Variants in TRPM3 observed in about 807,000 individuals in gnomAD.
TRPM3 encodes the protein long transient receptor potential channel 3.
A neutral mutation model predicts 181.2 loss-of-function variants in TRPM3; 77 were observed. The ratio of observed to expected loss-of-function variants is 0.42; its 90% CI spans 0.35 to 0.51. TRPM3 has a LOEUF of 0.51. TRPM3 is among the 20% of genes least tolerant of loss of function. The probability of loss-of-function intolerance (pLI) is 0.01; values close to 1 mark genes in which losing one functional copy is unlikely to be tolerated. For synonymous variants in TRPM3, 745 were observed against 796.4 expected, an observed-to-expected ratio of 0.94 and a Z score of 1.09; for missense variants, 1,759 against 2,196.7, an observed-to-expected ratio of 0.80 and a Z score of 3.98.
chr9:71,165,616 C>T (rs934494725), intron 1 of TRPM3, among the ~76,000 whole-genome samples: 4 of 152,120 alleles, frequency 2.6e-5, no homozygotes, highest in Non-Finnish European at 4.4e-5. Context: ...TTTCTCCCTG[C>T]CCTCTTTTCC....
At chr9:71,241,649 A>T (rs1166300339) in intron 1 of TRPM3, among the ~76,000 whole-genome samples, 4 of 151,872 alleles carry the variant, frequency 2.6e-5, no homozygotes, top group South Asian at 2.1e-4. Context: ...AGTATAATTT[A>T]AAAAAAAATT....
intron 1 of TRPM3, among the ~76,000 whole-genome samples, chr9:71,266,511 C>T (rs935965321): frequency 6.6e-6 from 1 of 152,168 alleles, no homozygotes; most frequent in Non-Finnish European, 1.5e-5. Flanking sequence ...CTTTATCCCT[C>T]TTTCTCTCCC....
At chr9:71,197,610 T>C (rs1457284284) in intron 1 of TRPM3, among the ~76,000 whole-genome samples, 3 of 152,146 alleles carry the variant, frequency 2.0e-5, no homozygotes, top group Non-Finnish European at 4.4e-5. Context: ...TTTGCATTAC[T>C]CTGATGGCCA....
intron 1 of TRPM3, among the ~76,000 whole-genome samples, chr9:70,997,431 G>A (rs956610565): frequency 6.6e-6 from 1 of 152,112 alleles, no homozygotes; most frequent in Non-Finnish European, 1.5e-5. Flanking sequence ...TCCTGACCTC[G>A]TGATCTGCCT....
intron 9 of TRPM3, among the ~76,000 whole-genome samples, chr9:70,645,484 GT>G (rs2133680307): frequency 6.6e-6 from 1 of 152,254 alleles, no homozygotes; most frequent in Admixed American, 6.5e-5. Context: ...AATAAATGGT[GT>G]TGGAAAAACT....
At chr9:71,169,270 G>A (rs776315197) in intron 1 of TRPM3, among the ~76,000 whole-genome samples, 2 of 152,094 alleles carry the variant, frequency 1.3e-5, no homozygotes, top group African/African-American at 2.4e-5. Context: ...ACATCTCCAG[G>A]TCAAATGTGA....
chr9:71,042,996 C>T lies in TRPM3; in HGVS notation c.177+78182G>A, dbSNP rs560573182. 9.7e-4 allele frequency among the ~76,000 whole-genome samples: 148 copies of T among 152,244 alleles called. 1 individual carries two copies. The highest frequency in any genetic ancestry group is 3.3e-3 in the African/African-American group (137 of 41,566). Reference sequence around the variant, plus strand: ...GAGTTGCATTAATTCCTGTTTCTTGCGATTACACATGAGCATGACTGCATT... The same window carrying T: ...GAGTTGCATTAATTCCTGTTTCTTGTGATTACACATGAGCATGACTGCATT... On this transcript the variant is annotated intron_variant, in intron 1 of 25. Transcript: ENST00000677713.
intron 1 of TRPM3, among the ~76,000 whole-genome samples, chr9:71,312,991 T>G (rs1384934528): frequency 6.6e-6 from 1 of 152,146 alleles, no homozygotes; most frequent in Non-Finnish European, 1.5e-5. Context: ...TATACACATT[T>G]GCCAAAACTC....
chr9:71,439,465 A>G (rs1196686265), intron 1 of TRPM3, among the ~76,000 whole-genome samples: 1 of 152,200 alleles, frequency 6.6e-6, no homozygotes, highest in African/African-American at 2.4e-5. Context: ...TCTTCATTTT[A>G]TCATGATGGA....
chr9:71,295,446 T>A (rs762362285), intron 1 of TRPM3, among the ~76,000 whole-genome samples: 2 of 151,800 alleles, frequency 1.3e-5, no homozygotes, highest in Admixed American at 6.6e-5. Context: ...AACTCCATCA[T>A]GGTTTGAAAT....
At chr9:71,133,973 T>TTGTG (rs72198070) in intron 1 of TRPM3, among the ~76,000 whole-genome samples, 109 of 148,568 alleles carry the variant, frequency 7.3e-4, no homozygotes, top group Middle Eastern at 3.5e-3. Flanking sequence ...CTGTGTGTGT[T>TTGTG]TGTGTGTGTG....
At chr9:70,634,263 C>T (rs190720915) in intron 12 of TRPM3, among the ~76,000 whole-genome samples, 207 of 152,272 alleles carry the variant, frequency 1.4e-3, no homozygotes, top group African/African-American at 4.7e-3. Flanking sequence ...GCACACACCA[C>T]CATGCCAAGC....
At chr9:71,350,050 C>G (rs2091534401) in intron 1 of TRPM3, among the ~76,000 whole-genome samples, 1 of 150,784 alleles carries the variant, frequency 6.6e-6, no homozygotes, top group South Asian at 2.1e-4. Context: ...AACATTTGCT[C>G]TGACTTAAGG....
At chr9:70,843,494 T>C (rs2094811339) in intron 4 of TRPM3, among the ~76,000 whole-genome samples, 1 of 152,220 alleles carries the variant, frequency 6.6e-6, no homozygotes, top group African/African-American at 2.4e-5. Context: ...GACTGTGTCA[T>C]GTTAAAAGCA....
At chr9:71,299,870 T>C (rs1565438628) in intron 1 of TRPM3, among the ~76,000 whole-genome samples, 1 of 152,038 alleles carries the variant, frequency 6.6e-6, no homozygotes, top group East Asian at 1.9e-4. Context: ...TAAGCTTAAA[T>C]AGATATATTA....
intron 22 of TRPM3, among the ~76,000 whole-genome samples, chr9:70,556,233 T>A (rs1312068482): frequency 7.8e-6 from 1 of 127,832 alleles, no homozygotes; most frequent in African/African-American, 2.8e-5. Context: ...CAGCTTAATA[T>A]CTTTTTTTTT....
chr9:71,420,694 A>G (rs1281085576), intron 1 of TRPM3, among the ~76,000 whole-genome samples: 3 of 51,080 alleles, frequency 5.9e-5, no homozygotes, highest in South Asian at 8.5e-4. Context: ...AGAAAGGGAA[A>G]GAGAAAGAGA....
chr9:70,974,400 G>A (rs1172073076), intron 1 of TRPM3, among the ~76,000 whole-genome samples: 1 of 116,020 alleles, frequency 8.6e-6, no homozygotes, highest in African/African-American at 3.1e-5. Flanking sequence ...TTAGCCGCGC[G>A]TGGTGGCGGG....
intron 9 of TRPM3, among the ~76,000 whole-genome samples, chr9:70,672,888 G>A (rs2063251067): frequency 6.6e-6 from 1 of 152,052 alleles, no homozygotes; most frequent in South Asian, 2.1e-4. Flanking sequence ...TGGGCAGCTG[G>A]TAAGTGTGCC....
Sources: gnomAD v4.1 joint callset for allele counts (sites outside exome capture counted in the v4.1 genomes callset) on GRCh38, gnomAD v4.1.1 for gene constraint, MANE v1.5 for transcripts, NCBI Gene and HGNC (gene_info 2026-07-23, HGNC 2026-07-21) for gene names.